Variants in SIGMAR1 observed in about 807,000 individuals in gnomAD.
SIGMAR1 encodes the protein sigma non-opioid intracellular receptor 1.
Under a neutral mutation model 25.4 loss-of-function variants are expected in SIGMAR1, and 18 were observed. The ratio of observed to expected loss-of-function variants is 0.71; its 90% confidence interval spans 0.49 to 1.05. The LOEUF (loss-of-function observed/expected upper bound fraction) is 1.05. SIGMAR1 is among the 50% of genes least tolerant of loss of function. The probability of loss-of-function intolerance (pLI) is 0.00; values close to 1 mark genes in which losing one functional copy is unlikely to be tolerated. For missense variants in SIGMAR1, 249 were observed against 301.6 expected (o/e 0.83, Z 1.29); for synonymous variants, 125 against 131.6 (o/e 0.95, Z 0.34).
At position 34,635,626 on chromosome 9, in the gene SIGMAR1, G is replaced by A. The variant is rs377081414; in HGVS notation, c.*6C>T. ...TATCCGCAGGTCTTCCTTCAGGCCT[G>A]GCTGGTCAAGGGTCCTGGCCAAAGA... On this transcript the variant is annotated 3_prime_UTR_variant, in exon 4 of 4. Coordinates refer to ENST00000277010, the MANE Select transcript of SIGMAR1 (RefSeq NM_005866.4). This position sits in a 1 kb window ranked among gnomAD's most constrained non-coding sequence, Gnocchi z 4.5. 1.9e-5 allele frequency: 30 copies of A among 1,614,098 alleles called. No homozygotes were observed. The African/African-American group carries it at 3.9e-4, about 21-fold the overall frequency.
In SIGMAR1 at chr9:34,635,967, T is replaced by A; in HGVS notation, c.446-109A>T. The A allele has an allele frequency of 6.6e-7, 1 of 1,512,798 alleles. No homozygotes were observed. The highest frequency in any genetic ancestry group is 1.9e-5 in the Admixed American group (1 of 51,394). The allele number at this position is 1,512,798 out of a possible 1,614,324, so 93.7% of individuals were successfully genotyped here. A position where few individuals can be genotyped will look rare whatever the true frequency, so the allele number is the denominator to read the frequency against. On this transcript the variant is annotated intron_variant, in intron 3 of 3. Transcript: ENST00000277010. The surrounding 1 kb of genome is among the most constrained non-coding windows in gnomAD (Gnocchi z 4.5). ...TAGGGGTGGGGAATGGAGAGGGAGCTTCAGAAAAACAAAAAGCCCTACCTC... is the reference window on the plus strand; with the variant it reads ...TAGGGGTGGGGAATGGAGAGGGAGCATCAGAAAAACAAAAAGCCCTACCTC...
Position 34,637,684 on chromosome 9 carries a change from A to C in SIGMAR1, c.14T>G (p.Val5Gly), listed in dbSNP as rs1820937677. ...CGCGGCCCACGCCCACCGCCGGCCC[A>C]CGGCCCACTGCATCCCGGCGGGCGG... MQWA[V>G]GRRWAWAALL... The change falls in exon 1 of 4, where the codon GTG becomes GGG. Residue 5 changes from valine to glycine, a missense_variant. Transcript: ENST00000277010. 1 of 1,531,128 alleles carries C rather than the reference A, an allele frequency of 6.5e-7. No homozygotes were observed. The highest frequency in any genetic ancestry group is 8.7e-7 in the Non-Finnish European group (1 of 1,144,082). 94.8% of individuals were successfully genotyped at this position (1,531,128 alleles called of 1,614,324 possible).
Position 34,635,467 on chromosome 9 carries a change from G to T in SIGMAR1, c.*165C>A, listed in dbSNP as rs1434412077. On this transcript the variant is annotated 3_prime_UTR_variant, in exon 4 of 4. Transcript: ENST00000277010. The surrounding 1 kb of genome is among the most constrained non-coding windows in gnomAD (Gnocchi z 4.5). Reference sequence around the variant, plus strand: ...ATATGTGTCTCATTTGTTCCCATGGGTCTCTGTGTTTGGATACATAAGCAT... The same window carrying T: ...ATATGTGTCTCATTTGTTCCCATGGTTCTCTGTGTTTGGATACATAAGCAT... 1.9e-6 allele frequency: 2 copies of T among 1,026,512 alleles called. No individual in the cohort carries two copies. Among genetic ancestry groups the T allele is most frequent in the Non-Finnish European group, 2.9e-6 (2 of 687,654 alleles). 63.6% of individuals were successfully genotyped at this position (1,026,512 alleles called of 1,614,324 possible). A position where few individuals can be genotyped will look rare whatever the true frequency, so the allele number is the denominator to read the frequency against.
In SIGMAR1 at chr9:34,634,828, T is replaced by C. The variant is rs1165084402; in HGVS notation, c.*804A>G. The C allele has an allele frequency of 6.6e-6, 1 of 152,636 alleles. No individual in the cohort carries two copies. The highest frequency in any genetic ancestry group is 2.4e-5 in the African/African-American group (1 of 41,012). 9.5% of individuals were successfully genotyped at this position (152,636 alleles called of 1,614,324 possible). On this transcript the variant is annotated 3_prime_UTR_variant, in exon 4 of 4. Transcript: ENST00000277010. ...ATGTGTGTGTGTGTGTGTGTGTGTATGTGTTGTGTGTGTGTAAAAGGCCTT... is the reference window on the plus strand; with the variant it reads ...ATGTGTGTGTGTGTGTGTGTGTGTACGTGTTGTGTGTGTGTAAAAGGCCTT...
intron 2 of SIGMAR1, 59 bp downstream of exon 2, chr9:34,637,161 G>C: frequency 6.3e-7 from 1 of 1,589,834 alleles, no homozygotes; most frequent in Admixed American, 1.8e-5. Context: ...CATCAGAAAG[G>C]AGGGCATGGG....
In SIGMAR1 at chr9:34,635,667, C is replaced by T. The variant is rs2132323906; in HGVS notation, c.637G>A (p.Glu213Lys). 3 of 1,614,238 alleles carry T rather than the reference C, an allele frequency of 1.9e-6. No individual in the cohort carries two copies. Among genetic ancestry groups the T allele is most frequent in the Non-Finnish European group, 2.5e-6 (3 of 1,180,044 alleles). The change falls in exon 4 of 4, where the codon GAG (glutamate) becomes AAG (lysine). Residue 213 changes from glutamate (E) to lysine (K), a missense_variant. Coordinates refer to ENST00000277010, the MANE Select transcript of SIGMAR1 (RefSeq NM_005866.4). The surrounding 1 kb of genome is among the most constrained non-coding windows in gnomAD (Gnocchi z 4.5). ...LRSYARGLRL[E>K]LTTYLFGQDP is the part of the protein sequence containing the mutation. Reference sequence around the variant, plus strand: ...TGGCCAAAGAGGTAGGTGGTGAGCTCAAGCCGGAGGCCCCGAGCATAGGAG... The same window carrying T: ...TGGCCAAAGAGGTAGGTGGTGAGCTTAAGCCGGAGGCCCCGAGCATAGGAG...
At position 34,634,888 on chromosome 9, in the gene SIGMAR1, C is replaced by G. The variant is rs1300401637; in HGVS notation, c.*744G>C. ...AGGAAGGGCCCCTTGGAATTAGGCC[C>G]ACCTGTCTAGATCCTCTCCTCAGTG... On this transcript the variant is annotated 3_prime_UTR_variant, in exon 4 of 4. Transcript: ENST00000277010. 6.5e-6 allele frequency: 1 copy of G among 154,750 alleles called. No individual in the cohort carries two copies. The highest frequency in any genetic ancestry group is 1.9e-4 in the East Asian group (1 of 5,212). The allele number at this position is 154,750 out of a possible 1,614,324, so 9.6% of individuals were successfully genotyped here. A position where few individuals can be genotyped will look rare whatever the true frequency, so the allele number is the denominator to read the frequency against.
At position 34,635,727 on chromosome 9, in the gene SIGMAR1, TGCTGAAGACAGTGTCG is replaced by T. The variant is rs1554707680; in HGVS notation, c.561_576del (p.Asp188ProfsTer69). 3 of 1,614,102 alleles carry T rather than the reference TGCTGAAGACAGTGTCG, an allele frequency of 1.9e-6. No homozygotes were observed. Among genetic ancestry groups the T allele is most frequent in the Non-Finnish European group, 2.5e-6 (3 of 1,180,052 alleles). On this transcript the variant is annotated frameshift_variant, in exon 4 of 4. Coordinates refer to ENST00000277010, the MANE Select transcript of SIGMAR1 (RefSeq NM_005866.4). LOFTEE classifies it high-confidence loss of function. The surrounding 1 kb of genome is among the most constrained non-coding windows in gnomAD (Gnocchi z 4.5). The stretch of plus-strand genomic sequence containing the variant: ...TAGAAGAGGGTGAGGAAGTCCTGGG[TGCTGAAGACAGTGTCG>T]GCCAGCGCGAAGGCCAGGGTGGATG...
chr9:34,637,600 T>G lies in SIGMAR1; in HGVS notation c.98A>C (p.Gln33Pro), dbSNP rs1254998914. The part of the protein sequence containing the change: ...TQVVWLWLGT[Q>P]SFVFQREEIA... ...CTCTTCGCGCTGGAAGACGAAGCTC[T>G]GCGTACCCAGCCAGAGCCAGACGAC... Residue 33 changes from glutamine to proline, a missense_variant, in exon 1 of 4, where the codon CAG becomes CCG. Transcript: ENST00000277010. The G allele has an allele frequency of 1.2e-5, 19 of 1,561,012 alleles. No homozygotes were observed. The highest frequency in any genetic ancestry group is 1.6e-5 in the Non-Finnish European group (19 of 1,158,080).
Position 34,637,576 on chromosome 9 carries a change from T to C in SIGMAR1, c.122A>G (p.Glu41Gly). 1 of 1,576,904 alleles carries C rather than the reference T, an allele frequency of 6.3e-7. No individual in the cohort carries two copies. The highest frequency in any genetic ancestry group is 2.3e-5 in the East Asian group (1 of 43,022). ...GTQSFVFQRE[E>G]IAQLARQYAG... Reference sequence around the variant, plus strand: ...GTACTGCCGCGCCAACTGCGCTATCTCTTCGCGCTGGAAGACGAAGCTCTG... The same window carrying C: ...GTACTGCCGCGCCAACTGCGCTATCCCTTCGCGCTGGAAGACGAAGCTCTG... Residue 41 changes from glutamate (E) to glycine (G), a missense_variant, in exon 1 of 4, where the codon GAG becomes GGG. Glu to Gly is a moderately conservative substitution (Grantham distance 98). Transcript: ENST00000277010.
In SIGMAR1 at chr9:34,637,364, G is replaced by A. The variant is rs777565671; in HGVS notation, c.208C>T (p.Pro70Ser). The change falls in exon 2 of 4, where the codon CCA (proline) becomes TCA (serine). Residue 70 changes from proline (P) to serine (S), a missense_variant. By Grantham distance (74) the Pro-to-Ser change is moderately conservative (BLOSUM62 -1). Transcript: ENST00000277010. The stretch of plus-strand genomic sequence containing the variant: ...TCCTCGTCGGGCAGCACGTGGCCTG[G>A]GTGCAGCCGCCGCAGCTCCACGATC... ...RLIVELRRLH[P>S]GHVLPDEELQ... is the part of the protein sequence containing the mutation. The A allele has an allele frequency of 7.5e-6, 12 of 1,605,630 alleles. No individual in the cohort carries two copies. The highest frequency in any genetic ancestry group is 1.3e-5 in the African/African-American group (1 of 74,920).
At position 34,637,332 on chromosome 9, in the gene SIGMAR1, C is replaced by T. The variant is rs10972178; in HGVS notation, c.240G>A (p.Gln80=). The change falls in exon 2 of 4, where the codon CAG becomes CAA. Residue 80 remains glutamine (Q), a synonymous_variant. Transcript: ENST00000277010. ...AGCCACCCGCATTCACGAACACCCA[C>T]TGCAGCTCCTCGTCGGGCAGCACGT... is the stretch of plus-strand genomic sequence containing the variant. The part of the protein sequence containing the change: ...PGHVLPDEEL[Q]WVFVNAGGWM... 5,028 of 1,604,512 alleles carry T rather than the reference C, an allele frequency of 3.1e-3. 244 individuals are homozygous for T. The East Asian group carries it at 0.1, about 32-fold the overall frequency.
At position 34,636,957 on chromosome 9, in the gene SIGMAR1, G is replaced by A. The variant is rs377254754; in HGVS notation, c.445+40C>T. ...CCCCGCAATTGTGGGCACCCCCCGC[G>A]TGAAGGGACCCACTTCTCTGACAGA... is the stretch of plus-strand genomic sequence containing the variant. On this transcript the variant is annotated intron_variant, in intron 3 of 3. Coordinates refer to ENST00000277010, the MANE Select transcript of SIGMAR1 (RefSeq NM_005866.4). 1.1e-5 allele frequency: 17 copies of A among 1,550,516 alleles called. No homozygotes were observed. The African/African-American group carries it at 1.6e-4, about 15-fold the overall frequency.
At chr9:34,636,873 G>A (rs1172269881) in intron 3 of SIGMAR1, 124 bp downstream of exon 3, 2 of 786,938 alleles carry the variant, frequency 2.5e-6, no homozygotes, top group Non-Finnish European at 4.4e-6. Flanking sequence ...TTATGGGAGG[G>A]TGGAGGAAGG....
rs1820842011 is a variant in SIGMAR1 at position 34,635,963 on chromosome 9, G to T, written c.446-105C>A. ...TAACTAGGGGTGGGGAATGGAGAGGGAGCTTCAGAAAAACAAAAAGCCCTA... is the reference window on the plus strand; with the variant it reads ...TAACTAGGGGTGGGGAATGGAGAGGTAGCTTCAGAAAAACAAAAAGCCCTA... On this transcript the variant is annotated intron_variant, in intron 3 of 3. Coordinates refer to ENST00000277010, the MANE Select transcript of SIGMAR1 (RefSeq NM_005866.4). This position sits in a 1 kb window ranked among gnomAD's most constrained non-coding sequence, Gnocchi z 4.5. The T allele has an allele frequency of 6.5e-7, 1 of 1,527,758 alleles. No individual in the cohort carries two copies. Among genetic ancestry groups the T allele is most frequent in the African/African-American group, 1.4e-5 (1 of 72,322 alleles). The allele number at this position is 1,527,758 out of a possible 1,614,324, so 94.6% of individuals were successfully genotyped here. A position where few individuals can be genotyped will look rare whatever the true frequency, so the allele number is the denominator to read the frequency against.
chr9:34,635,473 G>T lies in SIGMAR1; in HGVS notation c.*159C>A. 9.1e-7 allele frequency: 1 copy of T among 1,101,094 alleles called. No individual in the cohort carries two copies. The highest frequency in any genetic ancestry group is 1.3e-6 in the Non-Finnish European group (1 of 752,070). The allele number at this position is 1,101,094 out of a possible 1,614,324, so 68.2% of individuals were successfully genotyped here. A position where few individuals can be genotyped will look rare whatever the true frequency, so the allele number is the denominator to read the frequency against. On this transcript the variant is annotated 3_prime_UTR_variant, in exon 4 of 4. Coordinates refer to ENST00000277010, the MANE Select transcript of SIGMAR1 (RefSeq NM_005866.4). This position sits in a 1 kb window ranked among gnomAD's most constrained non-coding sequence, Gnocchi z 4.5. ...GTCTCATTTGTTCCCATGGGTCTCT[G>T]TGTTTGGATACATAAGCATGGATAT...
intron 3 of SIGMAR1, 124 bp downstream of exon 3, chr9:34,636,873 G>T (rs1172269881): frequency 3.8e-6 from 3 of 786,820 alleles, no homozygotes; most frequent in African/African-American, 3.4e-5. Flanking sequence ...TTATGGGAGG[G>T]TGGAGGAAGG....
At position 34,635,033 on chromosome 9, in the gene SIGMAR1, G is replaced by T; in HGVS notation, c.*599C>A. On this transcript the variant is annotated 3_prime_UTR_variant, in exon 4 of 4. Coordinates refer to ENST00000277010, the MANE Select transcript of SIGMAR1 (RefSeq NM_005866.4). The surrounding 1 kb of genome is among the most constrained non-coding windows in gnomAD (Gnocchi z 4.5). The stretch of plus-strand genomic sequence containing the variant: ...CAAATTACTCTCGTTCCCCAGCTGA[G>T]CTTTGTTGCTGAGGGGGTTGGGGAC... The T allele has an allele frequency of 6.2e-6, 1 of 161,370 alleles. No homozygotes were observed. The highest frequency in any genetic ancestry group is 1.4e-5 in the Non-Finnish European group (1 of 72,520). The allele number at this position is 161,370 out of a possible 1,614,324, so 10.0% of individuals were successfully genotyped here.
Position 34,634,781 on chromosome 9 carries a change from G to A in SIGMAR1, c.*851C>T, listed in dbSNP as rs781268757. On this transcript the variant is annotated 3_prime_UTR_variant, in exon 4 of 4. Coordinates refer to ENST00000277010, the MANE Select transcript of SIGMAR1 (RefSeq NM_005866.4). ...AGACAGATGGACAGAGAATGCAGCA[G>A]GGGCTGTGTGAAAACTGTGATATGT... 2.0e-5 allele frequency: 3 copies of A among 150,946 alleles called. No homozygotes were observed. The highest frequency in any genetic ancestry group is 6.6e-5 in the Admixed American group (1 of 15,144). 9.4% of individuals were successfully genotyped at this position (150,946 alleles called of 1,614,324 possible).
Sources: allele counts gnomAD v4.1 joint callset, GRCh38; gene constraint gnomAD v4.1.1; non-coding constraint Gnocchi (gnomAD v3.1); transcripts MANE v1.5; gene names NCBI Gene and HGNC (gene_info 2026-07-23, HGNC 2026-07-21).